The following APAF1 variants were observed in gnomAD, a reference collection of about 807,000 sequenced individuals.
APAF1 encodes the protein apoptotic protease-activating factor 1.
In APAF1, 91 loss-of-function variants were observed where a neutral mutation model predicts 152.4. The observed-to-expected ratio is 0.60, with a 90% CI of 0.50 to 0.71. APAF1 has a LOEUF of 0.71. APAF1 is among the 30% of genes least tolerant of loss of function. APAF1 has a pLI of 0.00. For missense variants in APAF1, 1,283 were observed against 1,472.0 expected (o/e 0.87, Z 2.10); for synonymous variants, 484 against 494.1 (o/e 0.98, Z 0.27).
At chr12:98,715,662 C>G in intron 22 of APAF1, 110 bp downstream of exon 22, 1 of 1,275,724 alleles carries the variant, frequency 7.8e-7, no homozygotes, top group Non-Finnish European at 1.1e-6. Context: ...GTTGGGCATA[C>G]ATTCAGATTA....
intron 16 of APAF1, among the ~76,000 whole-genome samples, chr12:98,695,583 T>C (rs962512743): frequency 2.6e-5 from 4 of 152,222 alleles, no homozygotes; most frequent in African/African-American, 9.6e-5. Context: ...AGTTCTGAGA[T>C]GATATCTGGG....
At chr12:98,688,312 G>T (rs2097700162) in intron 16 of APAF1, among the ~76,000 whole-genome samples, 1 of 151,886 alleles carries the variant, frequency 6.6e-6, no homozygotes, top group African/African-American at 2.4e-5. Context: ...TGACATTGTT[G>T]TCTCTTGGTC....
chr12:98,649,226 T>G, intron 3 of APAF1: 4 of 984,350 alleles, frequency 4.1e-6, no homozygotes, highest in Non-Finnish European at 4.8e-6. Context: ...GAATGAAAAG[T>G]CAGGAAATAA....
At chr12:98,667,765 ATTTTTTTT>A (rs71305589) in intron 10 of APAF1, 121 bp downstream of exon 10, 15 of 322,498 alleles carry the variant, frequency 4.7e-5, no homozygotes, top group East Asian at 4.0e-4. Context: ...TTTCCATTTG[ATTTTTTTT>A]TTTTTTTTTT....
intron 12 of APAF1, among the ~76,000 whole-genome samples, chr12:98,675,651 T>C (rs991034259): frequency 1.3e-5 from 2 of 152,208 alleles, no homozygotes; most frequent in African/African-American, 4.8e-5. Context: ...ATAGATGATT[T>C]AGGGTATACA....
chr12:98,693,520 G>T (rs2097706579), intron 16 of APAF1, among the ~76,000 whole-genome samples: 1 of 152,080 alleles, frequency 6.6e-6, no homozygotes, highest in Non-Finnish European at 1.5e-5. Flanking sequence ...TTTCCCTGGG[G>T]TTGATAAGTT....
Position 98,659,476 on chromosome 12 carries a change from G to A in APAF1, c.710+133G>A, listed in dbSNP as rs1443016737. On this transcript the variant is annotated intron_variant, in intron 5 of 26. Transcript: ENST00000551964. ...GATAAGAGAGAACCATTGCGGCCAG[G>A]TGCAGTGGCTCACGCCTGTAATCCC... The A allele has an allele frequency of 6.1e-6, 6 of 989,194 alleles. No individual in the cohort carries two copies. In the East Asian group the frequency reaches 1.3e-4, roughly 21 times the overall value. The allele number at this position is 989,194 out of a possible 1,614,324, so 61.3% of individuals were successfully genotyped here.
intron 15 of APAF1, among the ~76,000 whole-genome samples, chr12:98,684,270 T>A (rs2097695537): frequency 6.6e-6 from 1 of 152,118 alleles, no homozygotes; most frequent in Non-Finnish European, 1.5e-5. Flanking sequence ...ATTTATTTAT[T>A]TTTTCAGAAG....
chr12:98,670,882 G>A (rs1472871732), intron 10 of APAF1, 91 bp from the exon 11 acceptor site: 10 of 751,194 alleles, frequency 1.3e-5, no homozygotes, highest in African/African-American at 1.2e-4. Context: ...GATATTTACT[G>A]TTTCTCTTAG....
intron 26 of APAF1, among the ~76,000 whole-genome samples, chr12:98,728,742 C>T (rs899558934): frequency 6.6e-6 from 1 of 152,070 alleles, no homozygotes; most frequent in Non-Finnish European, 1.5e-5. Flanking sequence ...AACAAAAAAA[C>T]CAAAAATAAA....
At chr12:98,655,758 G>A (rs994889102) in intron 4 of APAF1, among the ~76,000 whole-genome samples, 13 of 150,248 alleles carry the variant, frequency 8.7e-5, no homozygotes, top group Admixed American at 4.6e-4. Flanking sequence ...GGCCACAGGC[G>A]CACAGCACGT....
At position 98,715,414 on chromosome 12, in the gene APAF1, T is replaced by G. The variant is rs1281313319; in HGVS notation, c.2959-13T>G. 7.4e-6 allele frequency: 12 copies of G among 1,612,808 alleles called. No homozygotes were observed. The highest frequency in any genetic ancestry group is 9.3e-6 in the Non-Finnish European group (11 of 1,179,436). The stretch of plus-strand genomic sequence containing the variant: ...AGTTTCTTCTTAATTTTCTGTGTTT[T>G]TCTGCTTTGAAGATTTTAGAACTTG... On this transcript the variant is annotated splice_polypyrimidine_tract_variant and intron_variant, in intron 21 of 26. Transcript: ENST00000551964.
At chr12:98,712,078 A>G (rs542848441) in intron 20 of APAF1, among the ~76,000 whole-genome samples, 6 of 152,348 alleles carry the variant, frequency 3.9e-5, no homozygotes, top group Non-Finnish European at 8.8e-5. Flanking sequence ...GCTGCTTTTT[A>G]AACCTTGTAA....
At chr12:98,706,413 T>A in intron 18 of APAF1, 72 bp from the exon 19 acceptor site, 2 of 1,492,986 alleles carry the variant, frequency 1.3e-6, no homozygotes, top group Non-Finnish European at 9.3e-7. Context: ...TCATTCTTGC[T>A]ATTTTCAATA....
chr12:98,682,288 C>T (rs966679906), intron 14 of APAF1, among the ~76,000 whole-genome samples: 3 of 150,930 alleles, frequency 2.0e-5, no homozygotes, highest in Admixed American at 2.0e-4. Flanking sequence ...CTCCTGACCT[C>T]GTGATCTGCC....
intron 15 of APAF1, among the ~76,000 whole-genome samples, chr12:98,684,477 TCTC>T (rs761725653): frequency 2.9e-4 from 43 of 146,202 alleles, no homozygotes; most frequent in Non-Finnish European, 5.6e-4. Flanking sequence ...TCTTCTTCTG[TCTC>T]CTCCTCCTCC....
chr12:98,659,886 A>G (rs888001354), intron 5 of APAF1, among the ~76,000 whole-genome samples: 2 of 151,498 alleles, frequency 1.3e-5, no homozygotes, highest in African/African-American at 4.9e-5. Flanking sequence ...TTTGCATGCT[A>G]CCTACCACAT....
At chr12:98,667,712 C>A in intron 10 of APAF1, 68 bp downstream of exon 10, 3 of 1,415,410 alleles carry the variant, frequency 2.1e-6, no homozygotes, top group South Asian at 2.6e-5. Flanking sequence ...CAAATAAGTG[C>A]TTTTTTTCTG....
At position 98,667,574 on chromosome 12, in the gene APAF1, C is replaced by T. The variant is rs369544125; in HGVS notation, c.1424C>T (p.Pro475Leu). The change falls in exon 10 of 27, where the codon CCA (proline) becomes CTA (leucine). Residue 475 changes from proline to leucine, a missense_variant. Transcript: ENST00000551964. ...TATCACCAGCCGCATACTCTTTCAC[C>T]AGATCAGGAAGACTGTATGTATTGG... ...QRYHQPHTLSPDQEDCMYWYN... is the reference protein window; with the variant it reads ...QRYHQPHTLSLDQEDCMYWYN... The T allele has an allele frequency of 5.1e-5, 83 of 1,613,840 alleles. No homozygotes were observed. The highest frequency in any genetic ancestry group is 6.6e-5 in the Non-Finnish European group (78 of 1,179,944).
Sources: gnomAD v4.1 joint callset for allele counts (sites outside exome capture counted in the v4.1 genomes callset) on GRCh38, gnomAD v4.1.1 for gene constraint, MANE v1.5 for transcripts, NCBI Gene and HGNC (gene_info 2026-07-23, HGNC 2026-07-21) for gene names.